The following TBC1D26 variants were observed in gnomAD, a reference collection of about 807,000 sequenced individuals.
TBC1D26 encodes the protein TBC1 domain family member 26.
Under a neutral mutation model 42.5 loss-of-function variants are expected in TBC1D26, and 19 were observed. The observed-to-expected ratio is 0.45, with a 90% CI of 0.31 to 0.66. TBC1D26 has a LOEUF of 0.66. Among genes scored for constraint, TBC1D26 ranks in the 30% least tolerant of loss-of-function variants. The pLI is 0.06. For synonymous variants in TBC1D26, 97 were observed against 123.5 expected, an observed-to-expected ratio of 0.79 and a Z score of 1.42; for missense variants, 228 against 332.6, an observed-to-expected ratio of 0.69 and a Z score of 2.45.
chr17:15,739,755 C>T (rs1967721772), intron 8 of TBC1D26, among the ~76,000 whole-genome samples: 1 of 152,276 alleles, frequency 6.6e-6, no homozygotes, highest in African/African-American at 2.4e-5. Context: ...GGAGGGGCTG[C>T]AGTGGTGGAC....
Position 15,735,428 on chromosome 17 carries a change from A to C in TBC1D26, c.75+5A>C. 1 of 1,611,990 alleles carries C rather than the reference A, an allele frequency of 6.2e-7. No individual in the cohort carries two copies. The highest frequency in any genetic ancestry group is 8.5e-7 in the Non-Finnish European group (1 of 1,179,210). ...ATCATTACTAAGTATGAGCAGGTAC[A>C]AGTTGGGCCGCTCCCTCAAGGGAAG... On this transcript the variant is annotated splice_donor_5th_base_variant and intron_variant, in intron 3 of 14. Coordinates refer to ENST00000437605, the MANE Select transcript of TBC1D26 (RefSeq NM_001388465.1).
At chr17:15,737,248 G>GT in intron 4 of TBC1D26, among the ~76,000 whole-genome samples, 1 of 152,332 alleles carries the variant, frequency 6.6e-6, no homozygotes, top group South Asian at 2.1e-4. Flanking sequence ...GGCACCCCAC[G>GT]GGCTTCAAGT....
chr17:15,738,193 T>C, intron 6 of TBC1D26, 87 bp from the exon 7 acceptor site: 1 of 1,605,348 alleles, frequency 6.2e-7, no homozygotes, highest in Non-Finnish European at 8.5e-7. Flanking sequence ...ACCCCATCCT[T>C]GCCATAGGAC....
At chr17:15,737,698 C>A in intron 5 of TBC1D26, 175 bp downstream of exon 5, 4 of 1,048,630 alleles carry the variant, frequency 3.8e-6, no homozygotes, top group African/African-American at 1.6e-5. Context: ...GACCAAAACC[C>A]AAACCAAGAA....
intron 5 of TBC1D26, 42 bp from the exon 6 acceptor site, chr17:15,737,955 C>T (rs370960575): frequency 4.0e-5 from 64 of 1,613,654 alleles, no homozygotes; most frequent in African/African-American, 2.0e-4. Context: ...CACTGTCAGA[C>T]GCCTGGCAGC....
Position 15,738,316 on chromosome 17 carries a change from G to A in TBC1D26, c.316G>A (p.Val106Ile). 5 of 1,613,722 alleles carry A rather than the reference G, an allele frequency of 3.1e-6. No homozygotes were observed. The South Asian group carries it at 3.3e-5, about 11-fold the overall frequency. ...AGTATACAAAGTCATTCCCCTGGCGGTACGGGGCCGGGCGTGGTCACTTTT... is the reference window on the plus strand; with the variant it reads ...AGTATACAAAGTCATTCCCCTGGCGATACGGGGCCGGGCGTGGTCACTTTT... Reference protein sequence around the residue: ...QRVYKVIPLAVRGRAWSLLLD... With the variant: ...QRVYKVIPLAIRGRAWSLLLD... Residue 106 changes from valine (V) to isoleucine (I), a missense_variant, in exon 7 of 15, where the codon GTA becomes ATA. By Grantham distance (29) the Val-to-Ile change is conservative. This residue lies in a region of TBC1D26 where 72 missense variants were observed against 90.1 expected (regional missense o/e 0.80). Transcript: ENST00000437605.
chr17:15,739,954 A>C, intron 8 of TBC1D26, 146 bp from the exon 9 acceptor site: 2 of 944,264 alleles, frequency 2.1e-6, no homozygotes, highest in East Asian at 2.5e-5. Flanking sequence ...ATTCCTAAAA[A>C]CTCAGGTGTC....
chr17:15,732,788 C>T lies in TBC1D26; in HGVS notation c.-143+404C>T, dbSNP rs565474193. Among the ~76,000 whole-genome samples, 4 of 152,280 alleles carry T rather than the reference C, an allele frequency of 2.6e-5. No individual in the cohort carries two copies. In the South Asian group the frequency reaches 8.3e-4, roughly 32 times the overall value. On this transcript the variant is annotated intron_variant, in intron 1 of 14. Transcript: ENST00000437605. ...GTGGTGGAGGGAGGTGGTGCTCGGT[C>T]CAAGTCTGTGCCCTAAGCTGGGTGT...
chr17:15,740,925 G>A lies in TBC1D26; in HGVS notation c.547-197G>A, dbSNP rs1370481223. On this transcript the variant is annotated intron_variant, in intron 9 of 14. Transcript: ENST00000437605. The stretch of plus-strand genomic sequence containing the variant: ...CTGCAGGAGTCCCCCCATGCTCCTT[G>A]TCAACTGAGTTGTGCGTGACCTGCT... 4.2e-6 allele frequency: 3 copies of A among 711,862 alleles called. No individual in the cohort carries two copies. In the African/African-American group the frequency reaches 5.3e-5, roughly 13 times the overall value. The allele number at this position is 711,862 out of a possible 1,614,324, so 44.1% of individuals were successfully genotyped here. A position where few individuals can be genotyped will look rare whatever the true frequency, so the allele number is the denominator to read the frequency against.
intron 12 of TBC1D26, 134 bp downstream of exon 12, chr17:15,742,613 T>G: frequency 5.9e-6 from 1 of 170,430 alleles, no homozygotes; most frequent in Non-Finnish European, 1.2e-5. Flanking sequence ...GGGCATCCCA[T>G]GGCAGAGGCC....
chr17:15,739,029 G>A (rs899746002), intron 8 of TBC1D26, among the ~76,000 whole-genome samples, 199 bp downstream of exon 8: 1 of 144,014 alleles, frequency 6.9e-6, no homozygotes, highest in African/African-American at 2.6e-5. Flanking sequence ...GACATGTAGG[G>A]CCAGAACCCA....
chr17:15,735,187 A>C (rs1967576505), intron 2 of TBC1D26, 117 bp downstream of exon 2: 1 of 795,688 alleles, frequency 1.3e-6, no homozygotes, highest in African/African-American at 1.7e-5. Flanking sequence ...TCAGAGATCT[A>C]GTCAGGGGTG....
chr17:15,738,466 C>T lies in TBC1D26; in HGVS notation c.387+79C>T, dbSNP rs1213569417. The T allele has an allele frequency of 9.1e-6, 14 of 1,542,446 alleles. No individual in the cohort carries two copies. In the African/African-American group the frequency reaches 1.2e-4, roughly 14 times the overall value. On this transcript the variant is annotated intron_variant, in intron 7 of 14. Coordinates refer to ENST00000437605, the MANE Select transcript of TBC1D26 (RefSeq NM_001388465.1). The stretch of plus-strand genomic sequence containing the variant: ...AGCCCAGGACTCCAGCTGGAGGGAA[C>T]GTTGAGCCTGGGTTGGGAGTGGGGG...
At chr17:15,735,181 A>C (rs1967576257) in intron 2 of TBC1D26, 111 bp downstream of exon 2, 1 of 758,982 alleles carries the variant, frequency 1.3e-6, no homozygotes, top group African/African-American at 1.7e-5. Context: ...AGGACTTCAG[A>C]GATCTAGTCA....
chr17:15,739,493 G>T (rs574781139), intron 8 of TBC1D26, among the ~76,000 whole-genome samples: 1 of 152,400 alleles, frequency 6.6e-6, no homozygotes, highest in South Asian at 2.1e-4. Flanking sequence ...AGACAGAGGC[G>T]ACTCAGTGAG....
At chr17:15,741,808 C>T in intron 10 of TBC1D26, 134 bp from the exon 11 acceptor site, 1 of 777,808 alleles carries the variant, frequency 1.3e-6, no homozygotes, top group Non-Finnish European at 2.1e-6. Context: ...GCTGAGGCTA[C>T]ATGCTGGGGT....
chr17:15,742,286 G>A, intron 11 of TBC1D26, 128 bp from the exon 12 acceptor site: 1 of 528,758 alleles, frequency 1.9e-6, no homozygotes, highest in African/African-American at 1.9e-5. Flanking sequence ...TCCGTGCATG[G>A]GGCAGGTGTT....
chr17:15,740,841 G>T, intron 9 of TBC1D26: 2 of 609,426 alleles, frequency 3.3e-6, no homozygotes, highest in South Asian at 4.6e-5. Context: ...TGGCCCAGGG[G>T]AGGGAGCATG....
At chr17:15,743,032 G>C (rs1320894943) in intron 13 of TBC1D26, 24 bp downstream of exon 13, 1 of 153,380 alleles carries the variant, frequency 6.5e-6, no homozygotes, top group Non-Finnish European at 1.5e-5. Context: ...GCCCGAGGGT[G>C]CTTGGGGGAA....
Sources: gnomAD v4.1 joint callset for allele counts (sites outside exome capture counted in the v4.1 genomes callset) on GRCh38, gnomAD v4.1.1 for gene constraint, gnomAD v4.1.1 regional missense constraint, MANE v1.5 for transcripts, NCBI Gene and HGNC (gene_info 2026-07-23, HGNC 2026-07-21) for gene names.